The following PDE4D variants were observed in gnomAD, a reference collection of about 807,000 sequenced individuals.
PDE4D encodes phosphodiesterase 4D.
Under a neutral mutation model 87.4 loss-of-function variants are expected in PDE4D, and 24 were observed. The ratio of observed to expected loss-of-function variants is 0.27; its 90% CI spans 0.20 to 0.39. PDE4D has a LOEUF of 0.39. Ranked by LOEUF, PDE4D falls within the 10% of genes least tolerant of loss-of-function variation. The pLI is 1.00. For missense variants in PDE4D, 714 were observed against 1,041.0 expected, an observed-to-expected ratio of 0.69 and a Z score of 4.32; for synonymous variants, 384 against 383.2, an observed-to-expected ratio of 1.00 and a Z score of -0.02.
chr5:59,389,986 GGAAGAGCTGA>G (rs2153607500), intron 1 of PDE4D, among the ~76,000 whole-genome samples: 1 of 152,216 alleles, frequency 6.6e-6, no homozygotes, highest in African/African-American at 2.4e-5. Context: ...CAAAATATCT[GGAAGAGCTGA>G]AGTGTTCCCA....
At chr5:60,361,625 T>G (rs1159013464) in intron 1 of PDE4D, among the ~76,000 whole-genome samples, 1 of 152,188 alleles carries the variant, frequency 6.6e-6, no homozygotes, top group Non-Finnish European at 1.5e-5. Flanking sequence ...GAGTTTTGAG[T>G]TGAAGTGTCA....
chr5:59,070,396 CA>C (rs1463932559), intron 5 of PDE4D, among the ~76,000 whole-genome samples: 1 of 152,144 alleles, frequency 6.6e-6, no homozygotes, highest in Non-Finnish European at 1.5e-5. Flanking sequence ...TACCCATTTT[CA>C]AATATTTTAG....
chr5:59,753,845 AGTTT>A (rs1337712131), intron 1 of PDE4D, among the ~76,000 whole-genome samples: 5 of 152,208 alleles, frequency 3.3e-5, no homozygotes, highest in South Asian at 2.1e-4. Context: ...TGCTGCTTTA[AGTTT>A]GTTTGTGTAT....
At chr5:60,022,826 T>C (rs1024447739) in intron 2 of PDE4D, 12 of 152,448 alleles carry the variant, frequency 7.9e-5, no homozygotes, top group African/African-American at 2.9e-4. Flanking sequence ...CCTGGTCCTC[T>C]AATTAGTAAG....
intron 1 of PDE4D, among the ~76,000 whole-genome samples, chr5:60,383,075 A>G (rs1352443758): frequency 6.6e-6 from 1 of 152,198 alleles, no homozygotes; most frequent in Admixed American, 6.5e-5. Flanking sequence ...TGTAAGATAC[A>G]AGAAAACACC....
At chr5:60,184,139 A>G (rs79725883) in intron 2 of PDE4D, among the ~76,000 whole-genome samples, 3,751 of 152,258 alleles carry the variant, frequency 0.025, 143 homozygotes, top group African/African-American at 0.086. Flanking sequence ...CAGTTCCTTA[A>G]AGTCACCGCT....
At chr5:60,064,108 A>C (rs1011244033) in intron 2 of PDE4D, among the ~76,000 whole-genome samples, 1 of 152,124 alleles carries the variant, frequency 6.6e-6, no homozygotes, top group Admixed American at 6.6e-5. Flanking sequence ...CTTTCTTTAA[A>C]ATCTTTTAAA....
chr5:59,502,619 G>T (rs920010660), intron 1 of PDE4D, among the ~76,000 whole-genome samples: 1 of 151,400 alleles, frequency 6.6e-6, no homozygotes, highest in East Asian at 1.9e-4. Context: ...AAAATTGAAA[G>T]CACCATTATT....
At chr5:59,484,001 A>G (rs1306738015) in intron 1 of PDE4D, among the ~76,000 whole-genome samples, 1 of 152,218 alleles carries the variant, frequency 6.6e-6, no homozygotes, top group East Asian at 1.9e-4. Flanking sequence ...TGTAACTACA[A>G]CTTAGCAGAA....
chr5:59,055,099 A>T (rs1195355228), intron 5 of PDE4D, among the ~76,000 whole-genome samples: 1 of 152,220 alleles, frequency 6.6e-6, no homozygotes, highest in Non-Finnish European at 1.5e-5. Flanking sequence ...CAGATAGACC[A>T]TATGAATGAA....
In PDE4D at chr5:60,167,750, A is replaced by T. The variant is rs6876903; in HGVS notation, c.42+17807T>A. On this transcript the variant is annotated intron_variant, in intron 2 of 16. Transcript: ENST00000502484. ...GAAATTGTTTATCTGTCTTTTCTCA[A>T]CATTCACTGAGCTTTCTCAAACAGT... 6.1e-3 allele frequency among the ~76,000 whole-genome samples: 931 copies of T among 152,160 alleles called. 8 individuals are homozygous for T. Among genetic ancestry groups the T allele is most frequent in the African/African-American group, 0.021 (887 of 41,508 alleles).
intron 1 of PDE4D, among the ~76,000 whole-genome samples, chr5:59,468,852 G>C (rs947655566): frequency 1.3e-5 from 2 of 152,078 alleles, no homozygotes; most frequent in Admixed American, 1.3e-4. Flanking sequence ...GCCTAACTTA[G>C]AGCTTAGAGC....
intron 1 of PDE4D, among the ~76,000 whole-genome samples, chr5:59,649,928 T>TTTTTTTTTTTTTTTTTTTTTTTTTTTG (rs1344251960): frequency 7.2e-6 from 1 of 138,588 alleles, no homozygotes; most frequent in Non-Finnish European, 1.5e-5. Context: ...TTTTTTTTTT[T>TTTTTTTTTTTTTTTTTTTTTTTTTTTG]TTTTAGCAAT....
intron 2 of PDE4D, among the ~76,000 whole-genome samples, chr5:60,076,447 C>T (rs1286037507): frequency 6.6e-6 from 1 of 152,140 alleles, no homozygotes; most frequent in Non-Finnish European, 1.5e-5. Flanking sequence ...TGTGAGCCAC[C>T]ACGCCTGGCC....
chr5:58,990,385 T>C (rs916950388), intron 9 of PDE4D, among the ~76,000 whole-genome samples: 2 of 151,960 alleles, frequency 1.3e-5, no homozygotes, highest in Non-Finnish European at 2.9e-5. Flanking sequence ...GAGAGAGAAA[T>C]GGATATGAAG....
At chr5:59,732,969 T>G (rs1246893647) in intron 1 of PDE4D, among the ~76,000 whole-genome samples, 2 of 152,140 alleles carry the variant, frequency 1.3e-5, no homozygotes, top group Non-Finnish European at 2.9e-5. Flanking sequence ...ATCCATTTAA[T>G]GATTTATTCA....
At chr5:60,021,072 C>T (rs1766017485) in intron 2 of PDE4D, among the ~76,000 whole-genome samples, 1 of 152,140 alleles carries the variant, frequency 6.6e-6, no homozygotes, top group African/African-American at 2.4e-5. Flanking sequence ...CATCTTATAG[C>T]TGTAGCCTTC....
chr5:59,170,286 G>A (rs1429476470), intron 5 of PDE4D, among the ~76,000 whole-genome samples: 1 of 152,098 alleles, frequency 6.6e-6, no homozygotes, highest in African/African-American at 2.4e-5. Flanking sequence ...CAAAGTGCTG[G>A]AATTACAGGT....
intron 1 of PDE4D, among the ~76,000 whole-genome samples, chr5:60,354,975 C>T (rs1759499051): frequency 6.6e-6 from 1 of 152,080 alleles, no homozygotes; most frequent in African/African-American, 2.4e-5. Flanking sequence ...GGGCTATATA[C>T]TATGATTGCC....
Sources: gnomAD v4.1 joint callset for allele counts (sites outside exome capture counted in the v4.1 genomes callset) on GRCh38, gnomAD v4.1.1 for gene constraint, MANE v1.5 for transcripts, NCBI Gene and HGNC (gene_info 2026-07-23, HGNC 2026-07-21) for gene names.